TENM3: variants seen among roughly 807,000 people sequenced by gnomAD.
TENM3 encodes the protein teneurin transmembrane protein 3.
TENM3 carries 63 observed loss-of-function variants against 255.1 expected under a neutral mutation model. The observed-to-expected ratio is 0.25, with a 90% CI of 0.20 to 0.30. The LOEUF (loss-of-function observed/expected upper bound fraction) is 0.30, where lower values mean the gene tolerates loss of function less well. Among genes scored for constraint, TENM3 ranks in the 10% least tolerant of loss-of-function variants. The probability of loss-of-function intolerance (pLI) is 1.00; values close to 1 mark genes in which losing one functional copy is unlikely to be tolerated. For missense variants in TENM3, 2,929 were observed against 3,461.1 expected (o/e 0.85, Z 3.86); for synonymous variants, 1,306 against 1,322.3 (o/e 0.99, Z 0.27).
the TENM3 span, among the ~76,000 whole-genome samples, chr4:181,950,398 C>T: frequency 6.6e-6 from 1 of 152,214 alleles, no homozygotes; most frequent in African/African-American, 2.4e-5. Flanking sequence ...TTGGTGGTCT[C>T]TTCACAGGGA....
intron 3 of TENM3, among the ~76,000 whole-genome samples, chr4:182,524,182 G>A (rs1248010062): frequency 3.3e-5 from 5 of 152,092 alleles, no homozygotes; most frequent in Non-Finnish European, 7.4e-5. Flanking sequence ...GGAAGAACGT[G>A]CTCACAACAG....
chr4:182,726,196 A>G (rs1470203639), intron 13 of TENM3, among the ~76,000 whole-genome samples: 1 of 151,824 alleles, frequency 6.6e-6, no homozygotes, highest in East Asian at 1.9e-4. Flanking sequence ...ATATTCACTT[A>G]TTAAGCCTTT....
At chr4:182,589,938 G>A (rs9992995) in intron 3 of TENM3, among the ~76,000 whole-genome samples, 125,657 of 152,070 alleles carry the variant, frequency 0.83, 52,042 homozygotes, top group East Asian at 0.87. Context: ...AGATCGCACC[G>A]CTGCACGCCA....
intron 2 of TENM3, among the ~76,000 whole-genome samples, chr4:182,327,154 T>C (rs2675526): frequency 0.92 from 140,420 of 152,262 alleles, 65,065 homozygotes; most frequent in Non-Finnish European, 0.97. Flanking sequence ...GTCAATTTTT[T>C]CTCACGGACT....
chr4:182,398,879 G>A (rs1027716085), intron 3 of TENM3, among the ~76,000 whole-genome samples: 5 of 152,146 alleles, frequency 3.3e-5, no homozygotes, highest in African/African-American at 1.2e-4. Flanking sequence ...ACTGTGATTT[G>A]GGAGTTAAAA....
chr4:181,831,390 G>A, the TENM3 span, among the ~76,000 whole-genome samples: 1,424 of 151,324 alleles, frequency 9.4e-3, 23 homozygotes, highest in African/African-American at 0.032. Context: ...GTTTTATTTC[G>A]GCTACAGAAG....
At chr4:182,579,535 A>T (rs994521951) in intron 3 of TENM3, among the ~76,000 whole-genome samples, 1 of 152,188 alleles carries the variant, frequency 6.6e-6, no homozygotes. Flanking sequence ...GAGATCTTGG[A>T]TTGGGCAGAG....
chr4:182,742,861 T>C (rs1213726037), intron 18 of TENM3, among the ~76,000 whole-genome samples: 2 of 152,188 alleles, frequency 1.3e-5, no homozygotes, highest in African/African-American at 4.8e-5. Context: ...TTCCAGTGTA[T>C]AGCCATGACT....
the TENM3 span, among the ~76,000 whole-genome samples, chr4:181,916,657 T>C: frequency 1.3e-5 from 2 of 152,078 alleles, no homozygotes; most frequent in African/African-American, 2.4e-5. Context: ...GGGAGGCCGA[T>C]CACGAGGTCA....
intron 24 of TENM3, among the ~76,000 whole-genome samples, chr4:182,779,305 G>C (rs1236948803): frequency 6.6e-6 from 1 of 151,874 alleles, no homozygotes; most frequent in Non-Finnish European, 1.5e-5. Context: ...AGAATATACG[G>C]TGTTTGGTTT....
chr4:181,517,187 G>A, the TENM3 span, among the ~76,000 whole-genome samples: 1 of 152,074 alleles, frequency 6.6e-6, no homozygotes, highest in Non-Finnish European at 1.5e-5. Context: ...GTAAGAGATG[G>A]AAGGGAGGAC....
intron 4 of TENM3, among the ~76,000 whole-genome samples, chr4:182,620,205 C>T (rs1049453502): frequency 6.6e-6 from 1 of 152,164 alleles, no homozygotes; most frequent in African/African-American, 2.4e-5. Context: ...TGATAATTTC[C>T]TTGTGCGGAA....
At chr4:182,020,299 G>A in the TENM3 span, among the ~76,000 whole-genome samples, 13 of 152,156 alleles carry the variant, frequency 8.5e-5, no homozygotes, top group African/African-American at 3.1e-4. Context: ...CCAGGAGGCG[G>A]AGGTTGCAGT....
chr4:182,712,323 G>GA (rs1264781122), intron 12 of TENM3, among the ~76,000 whole-genome samples: 1 of 151,614 alleles, frequency 6.6e-6, no homozygotes, highest in Non-Finnish European at 1.5e-5. Flanking sequence ...ATTAGAATAT[G>GA]AAAATATTCA....
chr4:182,781,713 T>C (rs1292899421), intron 24 of TENM3, among the ~76,000 whole-genome samples: 1 of 147,594 alleles, frequency 6.8e-6, no homozygotes, highest in Non-Finnish European at 1.5e-5. Context: ...AAGCTATTGA[T>C]TATTGCCACA....
chr4:182,103,364 C>T, the TENM3 span, among the ~76,000 whole-genome samples: 1 of 152,204 alleles, frequency 6.6e-6, no homozygotes, highest in East Asian at 1.9e-4. Context: ...TTCATTTCAC[C>T]TGTAAGATCT....
the TENM3 span, among the ~76,000 whole-genome samples, chr4:181,706,687 G>C: frequency 6.6e-6 from 1 of 152,178 alleles, no homozygotes; most frequent in African/African-American, 2.4e-5. Context: ...TTCCGCATTG[G>C]TTGACCTCAC....
At chr4:181,488,148 C>A in the TENM3 span, among the ~76,000 whole-genome samples, 1 of 152,322 alleles carries the variant, frequency 6.6e-6, no homozygotes, top group Non-Finnish European at 1.5e-5. Context: ...CTTAACTTCT[C>A]TGAGATCTGT....
At chr4:181,472,380 G>T in the TENM3 span, among the ~76,000 whole-genome samples, 1 of 152,044 alleles carries the variant, frequency 6.6e-6, no homozygotes, top group Admixed American at 6.6e-5. Context: ...GGACCTGGGG[G>T]CAAATTGTCA....
Sources: allele counts gnomAD v4.1 joint callset (sites outside exome capture counted in the v4.1 genomes callset), GRCh38; gene constraint gnomAD v4.1.1; transcripts MANE v1.5; gene names NCBI Gene and HGNC (gene_info 2026-07-23, HGNC 2026-07-21).